Variants in LNX2 observed in about 807,000 individuals in gnomAD.
LNX2 encodes the protein ligand of numb-protein X 2.
In LNX2, 35 loss-of-function variants were observed where a neutral mutation model predicts 66.2. The observed-to-expected ratio is 0.53, with a 90% confidence interval of 0.40 to 0.70. The LOEUF (loss-of-function observed/expected upper bound fraction) is 0.70, where lower values mean the gene tolerates loss of function less well. Among genes scored for constraint, LNX2 ranks in the 30% least tolerant of loss-of-function variants. LNX2 has a pLI of 0.00. For missense variants in LNX2, 791 were observed against 850.8 expected (o/e 0.93, Z 0.87); for synonymous variants, 337 against 315.6 (o/e 1.07, Z -0.72).
At chr13:27,617,503 A>C (rs1372903882) in intron 1 of LNX2, among the ~76,000 whole-genome samples, 1 of 152,218 alleles carries the variant, frequency 6.6e-6, no homozygotes, top group South Asian at 2.1e-4. Context: ...AGAAGAGGGG[A>C]AGAAGGCCAA....
chr13:27,556,170 A>G (rs1441674279), intron 7 of LNX2, 66 bp downstream of exon 7: 32 of 1,458,414 alleles, frequency 2.2e-5, no homozygotes, highest in Admixed American at 3.8e-5. Flanking sequence ...GATATTCTTT[A>G]TTTTTTTAAA....
At chr13:27,585,222 G>A (rs1009699775) in intron 1 of LNX2, among the ~76,000 whole-genome samples, 22 of 151,654 alleles carry the variant, frequency 1.5e-4, no homozygotes, top group East Asian at 9.7e-4. Context: ...TCAGGAGATC[G>A]AGACCATCCT....
At chr13:27,568,475 G>A (rs1322213377) in intron 3 of LNX2, among the ~76,000 whole-genome samples, 3 of 152,026 alleles carry the variant, frequency 2.0e-5, no homozygotes, top group Non-Finnish European at 2.9e-5. Context: ...GGTGTATAAC[G>A]GTGAGATGCA....
At chr13:27,599,532 G>T (rs1955633741) in intron 1 of LNX2, among the ~76,000 whole-genome samples, 1 of 152,128 alleles carries the variant, frequency 6.6e-6, no homozygotes, top group African/African-American at 2.4e-5. Context: ...TCCCGTAAAA[G>T]AAATTCATTT....
Position 27,569,195 on chromosome 13 carries a change from A to G in LNX2, c.489T>C (p.Asn163=). 1 of 1,612,840 alleles carries G rather than the reference A, an allele frequency of 6.2e-7. No individual in the cohort carries two copies. ...CTGCAGGATCTAGTAGAGTGGGCCC[A>G]TTTTCATTCTCAATCTCTGCTTGAG... ...SRTQAEIENE[N]GPTLLDPAGT... is the part of the protein sequence containing the mutation. Residue 163 remains asparagine, a synonymous_variant, in exon 3 of 10, where the codon AAT becomes AAC. Coordinates refer to ENST00000316334, the MANE Select transcript of LNX2 (RefSeq NM_153371.4).
chr13:27,574,704 C>T (rs1488470570), intron 2 of LNX2, among the ~76,000 whole-genome samples: 2 of 152,124 alleles, frequency 1.3e-5, no homozygotes, highest in African/African-American at 4.8e-5. Context: ...TCTACACATC[C>T]AAGAAGCTTA....
At chr13:27,586,458 G>A (rs1428014737) in intron 1 of LNX2, among the ~76,000 whole-genome samples, 2 of 152,162 alleles carry the variant, frequency 1.3e-5, no homozygotes, top group Non-Finnish European at 2.9e-5. Flanking sequence ...GTGCAAGCTG[G>A]CTGTACTGCC....
At chr13:27,611,156 T>C (rs752011188) in intron 1 of LNX2, among the ~76,000 whole-genome samples, 1 of 152,208 alleles carries the variant, frequency 6.6e-6, no homozygotes, top group Non-Finnish European at 1.5e-5. Flanking sequence ...ATCTGTACAC[T>C]CATGCTTATG....
intron 5 of LNX2, among the ~76,000 whole-genome samples, chr13:27,560,310 A>G (rs889996056): frequency 1.3e-5 from 2 of 152,132 alleles, no homozygotes; most frequent in South Asian, 2.1e-4. Context: ...ACTTCTTTGC[A>G]TCTTCAAGGT....
rs151308645 is a variant in LNX2, at chr13:27,576,212, T to C, written c.407+5085A>G. On this transcript the variant is annotated intron_variant, in intron 2 of 9. Transcript: ENST00000316334. ...AAGTAAAAAATGACAAAGAGAGAAATAGACAAATCAACAATAAAGCTTTTG... is the reference window on the plus strand; with the variant it reads ...AAGTAAAAAATGACAAAGAGAGAAACAGACAAATCAACAATAAAGCTTTTG... Among the ~76,000 whole-genome samples, 466 of 151,802 alleles carry C rather than the reference T, an allele frequency of 3.1e-3. 4 individuals carry two copies. Among genetic ancestry groups the C allele is most frequent in the Non-Finnish European group, 3.4e-3 (230 of 67,924 alleles).
At chr13:27,615,150 C>T (rs185469046) in intron 1 of LNX2, among the ~76,000 whole-genome samples, 4 of 152,334 alleles carry the variant, frequency 2.6e-5, no homozygotes, top group African/African-American at 4.8e-5. Context: ...AGACACCAGT[C>T]GCAAGTGCAG....
chr13:27,587,382 T>C (rs549313911), intron 1 of LNX2, among the ~76,000 whole-genome samples: 2 of 152,234 alleles, frequency 1.3e-5, no homozygotes, highest in African/African-American at 4.8e-5. Context: ...CCCCTCCTCT[T>C]TGAGGGTAAA....
chr13:27,582,103 C>T (rs367596375), intron 1 of LNX2, among the ~76,000 whole-genome samples: 250 of 152,260 alleles, frequency 1.6e-3, no homozygotes, highest in African/African-American at 5.4e-3. Context: ...AATCTCAGCT[C>T]ACTGCAACCT....
In LNX2 at chr13:27,547,981, C is replaced by G. The variant is rs922306342; in HGVS notation, c.*354G>C. ...CATCAGGCCTGAGGGATACAGAACT[C>G]GTTCTATGATTCAGTTACTGAAAAC... On this transcript the variant is annotated 3_prime_UTR_variant, in exon 10 of 10. Transcript: ENST00000316334. 5 of 238,476 alleles carry G rather than the reference C, an allele frequency of 2.1e-5. No individual in the cohort carries two copies. Among genetic ancestry groups the G allele is most frequent in the Non-Finnish European group, 3.3e-5 (4 of 121,500 alleles). 14.8% of individuals were successfully genotyped at this position (238,476 alleles called of 1,614,324 possible).
chr13:27,567,663 G>T lies in LNX2; in HGVS notation c.832C>A (p.Leu278Ile). The T allele has an allele frequency of 6.2e-7, 1 of 1,613,994 alleles. No homozygotes were observed. Among genetic ancestry groups the T allele is most frequent in the African/African-American group, 1.3e-5 (1 of 75,030 alleles). Residue 278 changes from leucine to isoleucine, a missense_variant, in exon 4 of 10, where the codon CTT (leucine) becomes ATT (isoleucine). By Grantham distance (5) the Leu-to-Ile change is conservative. Transcript: ENST00000316334. The part of the protein sequence containing the change: ...DGVIARDGRL[L>I]AGDQILQVNN... ...ACCTGAAGAATCTGGTCTCCAGCAAGAAGTCTCCCGTCTCTGGCAATGACC... is the reference window on the plus strand; with the variant it reads ...ACCTGAAGAATCTGGTCTCCAGCAATAAGTCTCCCGTCTCTGGCAATGACC...
chr13:27,613,275 G>A (rs1470829403), intron 1 of LNX2, among the ~76,000 whole-genome samples: 2 of 152,168 alleles, frequency 1.3e-5, no homozygotes, highest in African/African-American at 4.8e-5. Context: ...CCCTGCAGCA[G>A]GGAGGGGAGG....
At chr13:27,583,255 T>TGCGCGCACGCGCGCGC in intron 1 of LNX2, among the ~76,000 whole-genome samples, 1 of 58,530 alleles carries the variant, frequency 1.7e-5, no homozygotes, top group South Asian at 7.2e-4. Context: ...TGTGTGTGTG[T>TGCGCGCACGCGCGCGC]GCGCGCGTCC....
chr13:27,546,482 TTA>T lies in LNX2; in HGVS notation c.*1851_*1852del, dbSNP rs1215791917. 3 of 152,206 alleles carry T rather than the reference TTA, an allele frequency of 2.0e-5. No homozygotes were observed. The highest frequency in any genetic ancestry group is 7.2e-5 in the African/African-American group (3 of 41,450). The allele number at this position is 152,206 out of a possible 1,614,324, so 9.4% of individuals were successfully genotyped here. A position where few individuals can be genotyped will look rare whatever the true frequency, so the allele number is the denominator to read the frequency against. ...GTATGGGCCATTCCACTGTATCTTG[TTA>T]TATGTTGATCATACAGTGTAACTAA... is the stretch of plus-strand genomic sequence containing the variant. On this transcript the variant is annotated 3_prime_UTR_variant, in exon 10 of 10. Coordinates refer to ENST00000316334, the MANE Select transcript of LNX2 (RefSeq NM_153371.4).
intron 7 of LNX2, among the ~76,000 whole-genome samples, chr13:27,554,046 T>C (rs1036880010): frequency 2.0e-5 from 3 of 152,196 alleles, no homozygotes; most frequent in African/African-American, 7.2e-5. Flanking sequence ...CAATGAGGAT[T>C]ATATCAAAGG....
Sources: gnomAD v4.1 joint callset for allele counts (sites outside exome capture counted in the v4.1 genomes callset) on GRCh38, gnomAD v4.1.1 for gene constraint, MANE v1.5 for transcripts, NCBI Gene and HGNC (gene_info 2026-07-23, HGNC 2026-07-21) for gene names.